The following CNTN5 variants were observed in gnomAD, a reference collection of about 807,000 sequenced individuals.
CNTN5 encodes contactin 5, also known as contactin-5.
A neutral mutation model predicts 129.1 loss-of-function variants in CNTN5; 77 were observed. The ratio of observed to expected loss-of-function variants is 0.60; its 90% confidence interval spans 0.50 to 0.72. The LOEUF is 0.72. CNTN5 is among the 30% of genes least tolerant of loss of function. The probability of loss-of-function intolerance (pLI) is 0.00; values close to 1 mark genes in which losing one functional copy is unlikely to be tolerated. For synonymous variants in CNTN5, 509 were observed against 465.6 expected (o/e 1.09, Z -1.20); for missense variants, 1,478 against 1,328.8 (o/e 1.11, Z -1.75).
chr11:99,069,524 C>T (rs1591138654), intron 1 of CNTN5, among the ~76,000 whole-genome samples: 1 of 152,052 alleles, frequency 6.6e-6, no homozygotes, highest in Admixed American at 6.6e-5. Context: ...TCTGTTATGG[C>T]GAATGCATTG....
intron 13 of CNTN5, among the ~76,000 whole-genome samples, chr11:100,164,635 G>A (rs937018570): frequency 2.0e-5 from 3 of 151,772 alleles, no homozygotes; most frequent in South Asian, 4.1e-4. Context: ...TAGTACTATA[G>A]TTGTATTTCA....
intron 1 of CNTN5, among the ~76,000 whole-genome samples, chr11:99,204,751 T>A (rs1859390551): frequency 6.6e-6 from 1 of 152,142 alleles, no homozygotes; most frequent in Non-Finnish European, 1.5e-5. Flanking sequence ...TTCAGTGAGG[T>A]TTGAAGAAAG....
intron 1 of CNTN5, among the ~76,000 whole-genome samples, chr11:99,082,868 T>C (rs1218301992): frequency 6.6e-6 from 1 of 152,186 alleles, no homozygotes; most frequent in Non-Finnish European, 1.5e-5. Context: ...TGACTTGGTA[T>C]TTGTATGATT....
intron 13 of CNTN5, among the ~76,000 whole-genome samples, chr11:100,074,902 A>T (rs1944066965): frequency 6.6e-6 from 1 of 152,290 alleles, no homozygotes; most frequent in African/African-American, 2.4e-5. Context: ...GAGGGAATCA[A>T]ATCATCACAT....
chr11:99,628,228 G>T (rs1438309712), intron 3 of CNTN5, among the ~76,000 whole-genome samples: 2 of 146,592 alleles, frequency 1.4e-5, no homozygotes, highest in African/African-American at 2.6e-5. Flanking sequence ...CTTAGTAGTA[G>T]TATTTTTAGG....
intron 3 of CNTN5, among the ~76,000 whole-genome samples, chr11:99,750,124 C>G (rs1944183196): frequency 6.6e-6 from 1 of 152,200 alleles, no homozygotes; most frequent in African/African-American, 2.4e-5. Flanking sequence ...TAATAGCTAG[C>G]CTGTATGTGA....
intron 13 of CNTN5, among the ~76,000 whole-genome samples, chr11:100,141,508 A>G (rs1156654707): frequency 6.6e-6 from 1 of 152,136 alleles, no homozygotes; most frequent in Non-Finnish European, 1.5e-5. Flanking sequence ...GCACATTCTC[A>G]GAAGAGAGAA....
chr11:99,352,374 A>G (rs958809359), intron 2 of CNTN5, among the ~76,000 whole-genome samples: 1 of 152,158 alleles, frequency 6.6e-6, no homozygotes, highest in African/African-American at 2.4e-5. Context: ...TGCAGTTGAA[A>G]TGGTTTTTAT....
intron 13 of CNTN5, among the ~76,000 whole-genome samples, chr11:100,171,700 T>TGGGAAA (rs1457701733): frequency 5.9e-5 from 9 of 152,044 alleles, no homozygotes; most frequent in African/African-American, 2.2e-4. Flanking sequence ...TGAAAGCATT[T>TGGGAAA]ACTTAGCTTT....
Position 99,297,117 on chromosome 11 carries a change from T to C in CNTN5, c.-209-28229T>C, listed in dbSNP as rs186866486. ...AACTACTCAAGATAATTTTTAGAGC[T>C]AACTATGACATAAACCCTAACATTT... On this transcript the variant is annotated intron_variant, in intron 1 of 24. Coordinates refer to ENST00000524871, the MANE Select transcript of CNTN5 (RefSeq NM_014361.4). Among the ~76,000 whole-genome samples, 483 of 152,306 alleles carry C rather than the reference T, an allele frequency of 3.2e-3. 6 individuals carry two copies. The highest frequency in any genetic ancestry group is 0.011 in the African/African-American group (462 of 41,568).
chr11:100,288,119 T>C (rs1229155666), intron 18 of CNTN5, among the ~76,000 whole-genome samples: 1 of 152,056 alleles, frequency 6.6e-6, no homozygotes, highest in African/African-American at 2.4e-5. Context: ...AAGTGCTTAG[T>C]GACCTACAAA....
At chr11:99,977,670 C>T (rs753206958) in intron 8 of CNTN5, among the ~76,000 whole-genome samples, 8 of 152,090 alleles carry the variant, frequency 5.3e-5, no homozygotes, top group Non-Finnish European at 1.0e-4. Flanking sequence ...CATGAGACAG[C>T]ACTAGGGGGA....
intron 16 of CNTN5, among the ~76,000 whole-genome samples, chr11:100,230,476 CA>C (rs1266628356): frequency 2.6e-5 from 4 of 152,090 alleles, no homozygotes; most frequent in Admixed American, 2.0e-4. Flanking sequence ...AAAAAAGTAA[CA>C]TTTTTTTGTC....
rs201430017 is a variant in CNTN5, at chr11:99,361,039, TCCA to T, written c.-71+35559_-71+35561del. On this transcript the variant is annotated intron_variant, in intron 2 of 24. Coordinates refer to ENST00000524871, the MANE Select transcript of CNTN5 (RefSeq NM_014361.4). ...TAAAGCAGTAGGATACAAACACAAT[TCCA>T]CCAAGTTCTTTGCCACTTCATAAAA... 2.7e-3 allele frequency among the ~76,000 whole-genome samples: 409 copies of T among 152,272 alleles called. 1 individual carries two copies. The highest frequency in any genetic ancestry group is 8.9e-3 in the African/African-American group (368 of 41,556).
At chr11:100,035,097 A>G (rs1298293135) in intron 9 of CNTN5, among the ~76,000 whole-genome samples, 1 of 151,896 alleles carries the variant, frequency 6.6e-6, no homozygotes, top group Non-Finnish European at 1.5e-5. Context: ...CATGAGGTAT[A>G]CCTCCTAATG....
chr11:99,364,762 A>T (rs539648100), intron 2 of CNTN5, among the ~76,000 whole-genome samples: 1 of 152,248 alleles, frequency 6.6e-6, no homozygotes, highest in South Asian at 2.1e-4. Flanking sequence ...GGAGAAATGG[A>T]GAAGGAAGAT....
intron 3 of CNTN5, among the ~76,000 whole-genome samples, chr11:99,648,071 G>A (rs1952030442): frequency 6.6e-6 from 1 of 151,926 alleles, no homozygotes; most frequent in South Asian, 2.1e-4. Context: ...ACCACAGATA[G>A]CCTTTATTGT....
chr11:99,905,949 A>T (rs1266827126), intron 6 of CNTN5, among the ~76,000 whole-genome samples: 1 of 151,936 alleles, frequency 6.6e-6, no homozygotes, highest in Non-Finnish European at 1.5e-5. Flanking sequence ...TTTGTCTGTT[A>T]TTGGTGTATA....
chr11:99,835,365 G>A (rs550309026), intron 4 of CNTN5, among the ~76,000 whole-genome samples: 5 of 152,152 alleles, frequency 3.3e-5, no homozygotes, highest in Non-Finnish European at 7.4e-5. Flanking sequence ...TCCTATGTGG[G>A]CCAGGGTTTG....
Sources: allele counts gnomAD v4.1 joint callset (sites outside exome capture counted in the v4.1 genomes callset), GRCh38; gene constraint gnomAD v4.1.1; transcripts MANE v1.5; gene names NCBI Gene and HGNC (gene_info 2026-07-23, HGNC 2026-07-21).